MRPS27: variants seen among roughly 807,000 people sequenced by gnomAD.
MRPS27 encodes small ribosomal subunit protein mS27.
In MRPS27, 43 loss-of-function variants were observed where a neutral mutation model predicts 48.9. That is an observed-to-expected ratio of 0.88 (90% CI 0.69 to 1.13). The LOEUF is 1.13. Among genes scored for constraint, MRPS27 ranks in the 50% most tolerant of loss-of-function variants. MRPS27 has a pLI of 0.00. For synonymous variants in MRPS27, 188 were observed against 171.9 expected (o/e 1.09, Z -0.73); for missense variants, 467 against 476.3 (o/e 0.98, Z 0.18).
intron 4 of MRPS27, among the ~76,000 whole-genome samples, chr5:72,278,706 G>T (rs1749450995): frequency 6.6e-6 from 1 of 151,882 alleles, no homozygotes. Context: ...TACATAAATG[G>T]TATCATATTA....
Position 72,220,199 on chromosome 5 carries a change from CTGGGCTGGG to C in MRPS27, c.*701_*709del, listed in dbSNP as rs1239753656. The stretch of plus-strand genomic sequence containing the variant: ...CACAGTTCACCTTGGCCTCATGTAC[CTGGGCTGGG>C]GAGAGGGAGACCATTCAAAAGCCTG... On this transcript the variant is annotated 3_prime_UTR_variant, in exon 11 of 11. Transcript: ENST00000261413. 6.5e-6 allele frequency: 1 copy of C among 152,904 alleles called. No homozygotes were observed. The highest frequency in any genetic ancestry group is 1.5e-5 in the Non-Finnish European group (1 of 68,262). 9.5% of individuals were successfully genotyped at this position (152,904 alleles called of 1,614,324 possible). A position where few individuals can be genotyped will look rare whatever the true frequency, so the allele number is the denominator to read the frequency against.
At chr5:72,259,468 C>CAAAAAAA (rs11286212) in intron 4 of MRPS27, among the ~76,000 whole-genome samples, 1 of 127,826 alleles carries the variant, frequency 7.8e-6, no homozygotes, top group Non-Finnish European at 1.7e-5. Context: ...AACTTCGTCT[C>CAAAAAAA]AAAAAAAAAA....
At chr5:72,264,166 T>C (rs776912174) in intron 4 of MRPS27, among the ~76,000 whole-genome samples, 13 of 152,238 alleles carry the variant, frequency 8.5e-5, no homozygotes, top group South Asian at 4.1e-4. Context: ...TGATTCCATT[T>C]ACATAAAATA....
chr5:72,272,066 GA>G (rs1402396651), intron 4 of MRPS27, among the ~76,000 whole-genome samples: 1 of 152,052 alleles, frequency 6.6e-6, no homozygotes, highest in Non-Finnish European at 1.5e-5. Context: ...TGGTTGCAAT[GA>G]AACACTGGGA....
At chr5:72,313,328 T>C (rs1344043952) in intron 2 of MRPS27, among the ~76,000 whole-genome samples, 1 of 152,196 alleles carries the variant, frequency 6.6e-6, no homozygotes, top group Non-Finnish European at 1.5e-5. Flanking sequence ...TAAAGAAATC[T>C]GGGGGAATAT....
chr5:72,286,345 T>C (rs900093225), intron 4 of MRPS27, among the ~76,000 whole-genome samples: 26 of 152,160 alleles, frequency 1.7e-4, no homozygotes, highest in African/African-American at 4.1e-4. Context: ...TTAAGACTTA[T>C]TTAAAAACTA....
chr5:72,249,471 G>A (rs1259524436), intron 4 of MRPS27, among the ~76,000 whole-genome samples: 1 of 151,044 alleles, frequency 6.6e-6, no homozygotes, highest in African/African-American at 2.4e-5. Context: ...GTCACTTGAG[G>A]TCAGGAGTTC....
At chr5:72,231,912 C>A (rs1335109843) in intron 7 of MRPS27, among the ~76,000 whole-genome samples, 1 of 152,038 alleles carries the variant, frequency 6.6e-6, no homozygotes, top group Admixed American at 6.6e-5. Context: ...AAGAACACAG[C>A]CTGGTGTAAA....
At chr5:72,279,426 A>G (rs767903705) in intron 4 of MRPS27, among the ~76,000 whole-genome samples, 13 of 152,172 alleles carry the variant, frequency 8.5e-5, no homozygotes, top group African/African-American at 1.2e-4. Flanking sequence ...GTGGTAACAA[A>G]ATTTTTGTAG....
In MRPS27 at chr5:72,289,443, CA is replaced by C. The variant is rs568902620; in HGVS notation, c.281+6087del. ...GCTATATTCTTTTTTTTTTTTGAGA[CA>C]GGGGTCTCACTCTGTCACCTACGCT... is the stretch of plus-strand genomic sequence containing the variant. On this transcript the variant is annotated intron_variant, in intron 4 of 10. Transcript: ENST00000261413. Among the ~76,000 whole-genome samples, 141 of 150,048 alleles carry C rather than the reference CA, an allele frequency of 9.4e-4. 1 individual carries two copies. The highest frequency in any genetic ancestry group is 3.0e-3 in the African/African-American group (124 of 40,750).
intron 4 of MRPS27, among the ~76,000 whole-genome samples, chr5:72,272,853 C>T (rs1344705103): frequency 2.6e-5 from 4 of 152,088 alleles, no homozygotes; most frequent in Non-Finnish European, 5.9e-5. Context: ...GTTTGTCAAC[C>T]CCTGGTATAA....
chr5:72,282,370 C>A (rs1266846529), intron 4 of MRPS27, among the ~76,000 whole-genome samples: 2 of 152,098 alleles, frequency 1.3e-5, no homozygotes, highest in Non-Finnish European at 2.9e-5. Context: ...ATTTTCAAAT[C>A]AAACTGCGTT....
chr5:72,276,815 A>C (rs1213600577), intron 4 of MRPS27, among the ~76,000 whole-genome samples: 1 of 152,044 alleles, frequency 6.6e-6, no homozygotes, highest in East Asian at 1.9e-4. Flanking sequence ...GTGGATCACG[A>C]GGTCAGGAGA....
At chr5:72,244,249 A>T (rs1041738059) in intron 4 of MRPS27, among the ~76,000 whole-genome samples, 1 of 152,184 alleles carries the variant, frequency 6.6e-6, no homozygotes, top group Non-Finnish European at 1.5e-5. Context: ...GGGGCATAGA[A>T]TTTTGCAGAT....
chr5:72,228,229 C>T, intron 8 of MRPS27, 37 bp downstream of exon 8: 1 of 1,456,712 alleles, frequency 6.9e-7, no homozygotes, highest in Non-Finnish European at 9.6e-7. Context: ...CAATTCTAAC[C>T]ATGAAGAACA....
chr5:72,295,834 C>T (rs1749964749), intron 3 of MRPS27, among the ~76,000 whole-genome samples: 2 of 152,156 alleles, frequency 1.3e-5, no homozygotes, highest in Admixed American at 6.5e-5. Flanking sequence ...GATCAGAAAA[C>T]GGATTGAAAG....
At position 72,295,570 on chromosome 5, in the gene MRPS27, G is replaced by A; in HGVS notation, c.242C>T (p.Ser81Phe). ...TISRLIDNIS[S>F]REEIDHAEYY... ...CTCTGCATGATCTATCTCTTCCCGAGAGGAAATGTTGTCTATAAGCTAAAA... is the reference window on the plus strand; with the variant it reads ...CTCTGCATGATCTATCTCTTCCCGAAAGGAAATGTTGTCTATAAGCTAAAA... The change falls in exon 4 of 11, where the codon TCT becomes TTT. Residue 81 changes from serine (S) to phenylalanine (F), a missense_variant. Transcript: ENST00000261413. The A allele has an allele frequency of 6.2e-7, 1 of 1,610,554 alleles. No homozygotes were observed. Among genetic ancestry groups the A allele is most frequent in the Non-Finnish European group, 8.5e-7 (1 of 1,176,950 alleles).
intron 5 of MRPS27, among the ~76,000 whole-genome samples, chr5:72,236,599 C>G (rs1186071527): frequency 6.6e-6 from 1 of 152,144 alleles, no homozygotes; most frequent in Non-Finnish European, 1.5e-5. Flanking sequence ...ATTTCCTCCT[C>G]TTGAGATTCA....
chr5:72,266,538 T>C (rs1050735315), intron 4 of MRPS27, among the ~76,000 whole-genome samples: 9 of 152,188 alleles, frequency 5.9e-5, no homozygotes, highest in African/African-American at 2.2e-4. Context: ...AGGAAAATGT[T>C]ATTGAACTAC....
Sources: gnomAD v4.1 joint callset for allele counts (sites outside exome capture counted in the v4.1 genomes callset) on GRCh38, gnomAD v4.1.1 for gene constraint, MANE v1.5 for transcripts, NCBI Gene and HGNC (gene_info 2026-07-23, HGNC 2026-07-21) for gene names.